Variants in GPC6 observed in about 807,000 individuals in gnomAD.
The protein encoded by GPC6 is glypican 6.
In GPC6, 14 loss-of-function variants were observed where a neutral mutation model predicts 55.2. The ratio of observed to expected loss-of-function variants is 0.25; its 90% CI spans 0.17 to 0.40. GPC6 has a LOEUF of 0.40. GPC6 is among the 10% of genes least tolerant of loss of function. The probability of loss-of-function intolerance (pLI) is 1.00; values close to 1 mark genes in which losing one functional copy is unlikely to be tolerated. For synonymous variants in GPC6, 278 were observed against 259.6 expected (o/e 1.07, Z -0.68); for missense variants, 641 against 708.5 (o/e 0.90, Z 1.08).
At position 93,789,618 on chromosome 13, in the gene GPC6, T is replaced by TATATAATACTAC. The variant is rs1555331706; in HGVS notation, c.320-40531_320-40530insATACTACATATA. ...TACTACATATATATATATATATATA[T>TATATAATACTAC]ATATATATATATATATATATATATA... is the stretch of plus-strand genomic sequence containing the variant. On this transcript the variant is annotated intron_variant, in intron 2 of 8. Coordinates refer to ENST00000377047, the MANE Select transcript of GPC6 (RefSeq NM_005708.5). Among the ~76,000 whole-genome samples, 10 of 47,376 alleles carry TATATAATACTAC rather than the reference T, an allele frequency of 2.1e-4. No individual in the cohort carries two copies. The East Asian group carries it at 7.8e-3, about 37-fold the overall frequency. The allele number at this position is 47,376 out of a possible 152,430, so 31.1% of individuals were successfully genotyped here. A position where few individuals can be genotyped will look rare whatever the true frequency, so the allele number is the denominator to read the frequency against.
At chr13:93,969,732 A>AT (rs1454340161) in intron 3 of GPC6, among the ~76,000 whole-genome samples, 1 of 150,900 alleles carries the variant, frequency 6.6e-6, no homozygotes, top group African/African-American at 2.4e-5. Flanking sequence ...CCTCCCCTCT[A>AT]TTCTTCCTGG....
chr13:93,782,435 T>C (rs1594452555), intron 2 of GPC6, among the ~76,000 whole-genome samples: 1 of 152,300 alleles, frequency 6.6e-6, no homozygotes, highest in South Asian at 2.1e-4. Context: ...TTCATTTTCT[T>C]TGGATATTTA....
At chr13:94,258,695 T>C (rs1422538953) in intron 4 of GPC6, among the ~76,000 whole-genome samples, 1 of 152,212 alleles carries the variant, frequency 6.6e-6, no homozygotes, top group African/African-American at 2.4e-5. Context: ...GGCACAACAC[T>C]GAACTATGTC....
chr13:93,707,179 T>C (rs1331942379), intron 2 of GPC6, among the ~76,000 whole-genome samples: 1 of 151,734 alleles, frequency 6.6e-6, no homozygotes, highest in African/African-American at 2.4e-5. Flanking sequence ...TTGTGAGTGC[T>C]AAATAATTAG....
intron 4 of GPC6, among the ~76,000 whole-genome samples, chr13:94,282,958 G>A (rs953750710): frequency 6.6e-6 from 1 of 152,192 alleles, no homozygotes; most frequent in Non-Finnish European, 1.5e-5. Flanking sequence ...TCTTTAATTG[G>A]CAAAGATGCA....
At chr13:94,163,206 T>C (rs1594007836) in intron 4 of GPC6, among the ~76,000 whole-genome samples, 1 of 152,300 alleles carries the variant, frequency 6.6e-6, no homozygotes, top group African/African-American at 2.4e-5. Context: ...ATTATGGGAA[T>C]TTTTAATCAT....
At chr13:93,262,958 G>C (rs1877201391) in intron 1 of GPC6, among the ~76,000 whole-genome samples, 1 of 152,230 alleles carries the variant, frequency 6.6e-6, no homozygotes, top group African/African-American at 2.4e-5. Context: ...ATACTCAAGA[G>C]AGAGTCATAC....
At chr13:93,705,493 A>C (rs1167698809) in intron 2 of GPC6, among the ~76,000 whole-genome samples, 1 of 151,896 alleles carries the variant, frequency 6.6e-6, no homozygotes, top group Admixed American at 6.6e-5. Context: ...TTGGTGAGAA[A>C]ATTCGTCTTC....
intron 1 of GPC6, among the ~76,000 whole-genome samples, chr13:93,324,871 T>C (rs1392576604): frequency 6.6e-6 from 1 of 152,012 alleles, no homozygotes; most frequent in Non-Finnish European, 1.5e-5. Flanking sequence ...TTTATACAGC[T>C]TGAGTGGTGG....
At chr13:93,453,146 A>G (rs1462650386) in intron 1 of GPC6, among the ~76,000 whole-genome samples, 1 of 152,204 alleles carries the variant, frequency 6.6e-6, no homozygotes, top group Non-Finnish European at 1.5e-5. Context: ...GACATTGCCT[A>G]ATTCTTGAAT....
intron 2 of GPC6, among the ~76,000 whole-genome samples, chr13:93,658,227 C>T (rs1186643803): frequency 6.6e-6 from 1 of 152,002 alleles, no homozygotes; most frequent in Non-Finnish European, 1.5e-5. Flanking sequence ...GCTTCCACTT[C>T]AGAAAAGCAC....
In GPC6 at chr13:93,227,201, A is replaced by C. The variant is rs929856623; in HGVS notation, c.-256A>C. 22 of 408,318 alleles carry C rather than the reference A, an allele frequency of 5.4e-5. No homozygotes were observed. Among genetic ancestry groups the C allele is most frequent in the Non-Finnish European group, 9.2e-5 (21 of 228,190 alleles). 25.3% of individuals were successfully genotyped at this position (408,318 alleles called of 1,614,324 possible). On this transcript the variant is annotated 5_prime_UTR_variant, in exon 1 of 9. Coordinates refer to ENST00000377047, the MANE Select transcript of GPC6 (RefSeq NM_005708.5). The surrounding 1 kb of genome is among the most constrained non-coding windows in gnomAD (Gnocchi z 4.3). ...TCCTCGTTTTGATTGCACCGTTTCC[A>C]TCTGGGGGCTAGAGGAGCAAGGCAG...
chr13:93,230,357 T>C (rs1236183018), intron 1 of GPC6, among the ~76,000 whole-genome samples: 1 of 152,154 alleles, frequency 6.6e-6, no homozygotes, highest in African/African-American at 2.4e-5. Context: ...GATGAGGAAG[T>C]ATCACAGGTA....
intron 7 of GPC6, among the ~76,000 whole-genome samples, chr13:94,396,144 C>T (rs151117248): frequency 1.3e-5 from 2 of 152,200 alleles, no homozygotes; most frequent in Non-Finnish European, 2.9e-5. Context: ...TCTCCTGTGG[C>T]CAGCCCCAGG....
intron 2 of GPC6, among the ~76,000 whole-genome samples, chr13:93,814,124 G>A (rs894288725): frequency 5.9e-5 from 9 of 151,978 alleles, no homozygotes; most frequent in African/African-American, 1.7e-4. Flanking sequence ...AGAAGATAGT[G>A]GACAGGAGAA....
At chr13:93,465,391 C>A (rs554325605) in intron 1 of GPC6, among the ~76,000 whole-genome samples, 9 of 151,094 alleles carry the variant, frequency 6.0e-5, no homozygotes, top group African/African-American at 1.9e-4. Flanking sequence ...ACCATCAATT[C>A]TTTTTTAAGC....
intron 3 of GPC6, among the ~76,000 whole-genome samples, chr13:93,975,399 T>C (rs2140398617): frequency 6.6e-6 from 1 of 152,166 alleles, no homozygotes; most frequent in South Asian, 2.1e-4. Context: ...GCATGGTGAG[T>C]GAGTGCTGGG....
chr13:94,132,356 A>C (rs1010282094), intron 4 of GPC6, among the ~76,000 whole-genome samples: 2 of 152,274 alleles, frequency 1.3e-5, no homozygotes, highest in South Asian at 4.1e-4. Flanking sequence ...AGGAATGCAC[A>C]TGCCTTCCTC....
At position 94,403,726 on chromosome 13, in the gene GPC6, C is replaced by A. The variant is rs1015878353; in HGVS notation, c.*509C>A. ...AGTGTAAGCTTTTTTGTGACAAATCCGGGTTTAAAAATGCTTATGGGGAGA... is the reference window on the plus strand; with the variant it reads ...AGTGTAAGCTTTTTTGTGACAAATCAGGGTTTAAAAATGCTTATGGGGAGA... On this transcript the variant is annotated 3_prime_UTR_variant, in exon 9 of 9. Transcript: ENST00000377047. The A allele has an allele frequency of 5.3e-6, 1 of 190,084 alleles. No homozygotes were observed. The highest frequency in any genetic ancestry group is 1.1e-5 in the Non-Finnish European group (1 of 90,696). The allele number at this position is 190,084 out of a possible 1,614,324, so 11.8% of individuals were successfully genotyped here.
Sources: gnomAD v4.1 joint callset for allele counts (sites outside exome capture counted in the v4.1 genomes callset) on GRCh38, gnomAD v4.1.1 for gene constraint, Gnocchi (gnomAD v3.1) non-coding constraint, MANE v1.5 for transcripts, NCBI Gene and HGNC (gene_info 2026-07-23, HGNC 2026-07-21) for gene names.